The following EPG5 variants were observed in gnomAD, a reference collection of about 807,000 sequenced individuals.
EPG5 encodes ectopic P-granules 5 autophagy tethering factor.
Under a neutral mutation model 302.7 loss-of-function variants are expected in EPG5, and 159 were observed. That is an observed-to-expected ratio of 0.53 (90% confidence interval 0.46 to 0.60). The LOEUF (loss-of-function observed/expected upper bound fraction) is 0.60. Among genes scored for constraint, EPG5 ranks in the 20% least tolerant of loss-of-function variants. The pLI is 0.00. For missense variants in EPG5, 2,896 were observed against 3,092.4 expected (o/e 0.94, Z 1.51); for synonymous variants, 1,158 against 1,136.8 (o/e 1.02, Z -0.37).
chr18:45,908,328 C>T (rs914983701), intron 23 of EPG5, among the ~76,000 whole-genome samples: 1 of 152,100 alleles, frequency 6.6e-6, no homozygotes, highest in African/African-American at 2.4e-5. Context: ...GCTCTGACAA[C>T]AATTCTTAAA....
intron 1 of EPG5, among the ~76,000 whole-genome samples, chr18:45,964,688 C>G: frequency 6.6e-6 from 1 of 152,098 alleles, no homozygotes; most frequent in Non-Finnish European, 1.5e-5. Context: ...TATTTCTGAG[C>G]CGGGTGTGGT....
At chr18:45,837,913 G>A in the EPG5 span, 3 of 1,477,976 alleles carry the variant, frequency 2.0e-6, no homozygotes, top group African/African-American at 2.9e-5. Flanking sequence ...CGGCGTGGGA[G>A]CGGGTCCCCG....
the EPG5 span, among the ~76,000 whole-genome samples, chr18:45,824,776 C>G: frequency 6.6e-6 from 1 of 152,000 alleles, no homozygotes; most frequent in Non-Finnish European, 1.5e-5. Context: ...TGCCATCCAC[C>G]GAATCATAGA....
intron 34 of EPG5, 74 bp from the exon 35 acceptor site, chr18:45,876,416 T>A (rs2048972606): frequency 3.2e-6 from 4 of 1,267,864 alleles, no homozygotes; most frequent in South Asian, 1.2e-5. Flanking sequence ...TGTCTAGGGC[T>A]GGCCTAAGTC....
At chr18:45,929,759 G>A (rs2050357669) in intron 12 of EPG5, among the ~76,000 whole-genome samples, 1 of 152,128 alleles carries the variant, frequency 6.6e-6, no homozygotes, top group Non-Finnish European at 1.5e-5. Flanking sequence ...TTCAGATCAT[G>A]AAGACAGTCT....
In EPG5 at chr18:45,855,636, A is replaced by C. The variant is rs756407861; in HGVS notation, c.7494T>G (p.Pro2498=). 5 of 1,614,104 alleles carry C rather than the reference A, an allele frequency of 3.1e-6. No homozygotes were observed. In the South Asian group the frequency reaches 5.5e-5, roughly 18 times the overall value. ...SMAAFLSVQV[P]MEDQIRLRPG... is the part of the protein sequence containing the mutation. ...GCCTCAAACGGATCTGATCTTCCATAGGAACCTGAACTGAAAGGAAGGCAG... is the reference window on the plus strand; with the variant it reads ...GCCTCAAACGGATCTGATCTTCCATCGGAACCTGAACTGAAAGGAAGGCAG... The change falls in exon 43 of 44, where the codon CCT becomes CCG. Residue 2498 remains proline, a synonymous_variant. Transcript: ENST00000282041.
In EPG5 at chr18:45,852,547, G is replaced by C; in HGVS notation, c.7660C>G (p.Leu2554Val). The change falls in exon 44 of 44, where the codon CTT (leucine) becomes GTT (valine). Residue 2554 changes from leucine to valine, a missense_variant. Around this residue, in one of 5 missense-constraint regions of EPG5, gnomAD observed 620 missense variants for 704.2 expected, o/e 0.88. Coordinates refer to ENST00000282041, the MANE Select transcript of EPG5 (RefSeq NM_020964.3). ...GCCAAGAAGCTTTTCCCATCTTGAA[G>C]GCAATGGCCAGGATGCCTTATAAAT... Reference protein sequence around the residue: ...TQFIRHPGHCLQDGKSFLALL... With the variant: ...TQFIRHPGHCVQDGKSFLALL... 1 of 1,614,174 alleles carries C rather than the reference G, an allele frequency of 6.2e-7. No homozygotes were observed. Among genetic ancestry groups the C allele is most frequent in the Non-Finnish European group, 8.5e-7 (1 of 1,180,014 alleles).
chr18:45,906,758 G>A (rs936057326), intron 24 of EPG5, among the ~76,000 whole-genome samples: 2 of 151,856 alleles, frequency 1.3e-5, no homozygotes, highest in East Asian at 1.9e-4. Flanking sequence ...AGGTTCAAGC[G>A]ATTCTCCTGC....
In EPG5 at chr18:45,917,665, T is replaced by C. The variant is rs746001421; in HGVS notation, c.3239+14A>G. ...GTTTAAGAGTGTCTCCTGCCATAGA[T>C]GGAACACACTTACTGCTCATTCTTC... On this transcript the variant is annotated intron_variant, in intron 17 of 43. Transcript: ENST00000282041. 3.1e-6 allele frequency: 5 copies of C among 1,613,816 alleles called. No individual in the cohort carries two copies. In the South Asian group the frequency reaches 5.5e-5, roughly 18 times the overall value.
downstream of EPG5, among the ~76,000 whole-genome samples, chr18:45,844,479 T>C (rs921946783): frequency 2.6e-5 from 4 of 152,176 alleles, no homozygotes; most frequent in Non-Finnish European, 4.4e-5. Flanking sequence ...TCATTGCACA[T>C]TGTATGCCTG....
At chr18:45,835,678 C>A in the EPG5 span, among the ~76,000 whole-genome samples, 1 of 152,200 alleles carries the variant, frequency 6.6e-6, no homozygotes, top group African/African-American at 2.4e-5. Flanking sequence ...GAACCTGGAA[C>A]TGAACCATCC....
chr18:45,826,179 G>A, the EPG5 span, among the ~76,000 whole-genome samples: 1 of 152,130 alleles, frequency 6.6e-6, no homozygotes, highest in Non-Finnish European at 1.5e-5. Flanking sequence ...GAAGGGCGGG[G>A]AGTGCATGGG....
intron 29 of EPG5, among the ~76,000 whole-genome samples, 153 bp downstream of exon 29, chr18:45,887,598 T>A (rs1412915810): frequency 1.3e-5 from 2 of 152,190 alleles, no homozygotes; most frequent in African/African-American, 4.8e-5. Context: ...TCTAATCATA[T>A]TTTGAGAAGC....
chr18:45,860,638 T>C (rs2048615870), intron 39 of EPG5, among the ~76,000 whole-genome samples: 2 of 152,024 alleles, frequency 1.3e-5, no homozygotes, highest in South Asian at 2.1e-4. Context: ...TGTGAAAGAG[T>C]AACTTATCAG....
Position 45,880,065 on chromosome 18 carries a change from G to GGCT in EPG5, c.5667+7_5667+9dup. Reference sequence around the variant, plus strand: ...ATGCACAAACACGTCAGAGACCAAAGGCTACACACCTGCTTGTCTGACAAG... The same window carrying GGCT: ...ATGCACAAACACGTCAGAGACCAAAGGCTGCTACACACCTGCTTGTCTGACAAG... On this transcript the variant is annotated intron_variant, in intron 32 of 43. Coordinates refer to ENST00000282041, the MANE Select transcript of EPG5 (RefSeq NM_020964.3). The GGCT allele has an allele frequency of 1.3e-6, 2 of 1,549,160 alleles. No individual in the cohort carries two copies. The highest frequency in any genetic ancestry group is 8.7e-7 in the Non-Finnish European group (1 of 1,144,382).
At position 45,946,702 on chromosome 18, in the gene EPG5, C is replaced by T. The variant is rs1410683666; in HGVS notation, c.1638G>A (p.Gly546=). ...CGTCTACTAGCGTCCAAGTCCCAGACCCAGGCCCTGAGGAGGATGGCTTCC... is the reference window on the plus strand; with the variant it reads ...CGTCTACTAGCGTCCAAGTCCCAGATCCAGGCCCTGAGGAGGATGGCTTCC... ...SERKPSSSGP[G]SGTWTLVDEG... is the part of the protein sequence containing the mutation. Residue 546 remains glycine, a synonymous_variant, in exon 7 of 44, where the codon GGG becomes GGA. Coordinates refer to ENST00000282041, the MANE Select transcript of EPG5 (RefSeq NM_020964.3). 1.9e-6 allele frequency: 3 copies of T among 1,614,180 alleles called. No individual in the cohort carries two copies. The highest frequency in any genetic ancestry group is 1.3e-5 in the African/African-American group (1 of 75,064).
chr18:45,934,190 G>A (rs1362788820), intron 11 of EPG5, among the ~76,000 whole-genome samples: 1 of 152,114 alleles, frequency 6.6e-6, no homozygotes, highest in African/African-American at 2.4e-5. Flanking sequence ...TCAGGAGGCT[G>A]AGGCACTAGA....
the EPG5 span, among the ~76,000 whole-genome samples, chr18:45,815,008 AG>A: frequency 6.6e-6 from 1 of 152,178 alleles, no homozygotes; most frequent in African/African-American, 2.4e-5. Context: ...ATGGCCTCAG[AG>A]GTGAGTGCTC....
At chr18:45,900,913 G>C in intron 26 of EPG5, 83 bp downstream of exon 26, 1 of 1,458,988 alleles carries the variant, frequency 6.9e-7, no homozygotes, top group Non-Finnish European at 9.3e-7. Flanking sequence ...ATGCTGACAA[G>C]GAAGCCACTC....
Sources: allele counts gnomAD v4.1 joint callset (sites outside exome capture counted in the v4.1 genomes callset), GRCh38; gene constraint gnomAD v4.1.1; regional missense constraint gnomAD v4.1.1; transcripts MANE v1.5; gene names NCBI Gene and HGNC (gene_info 2026-07-23, HGNC 2026-07-21).